The following ARL15 variants were observed in gnomAD, a reference collection of about 807,000 sequenced individuals.
The protein encoded by ARL15 is ADP-ribosylation factor-like protein 15.
In ARL15, 19 loss-of-function variants were observed where a neutral mutation model predicts 25.2. The ratio of observed to expected loss-of-function variants is 0.75; its 90% CI spans 0.53 to 1.10. The LOEUF is 1.10. ARL15 is among the 50% of genes least tolerant of loss of function. The pLI, the probability that ARL15 is intolerant of heterozygous loss-of-function variation, is 0.00. For missense variants in ARL15, 220 were observed against 246.0 expected, an observed-to-expected ratio of 0.89 and a Z score of 0.71; for synonymous variants, 94 against 86.8, an observed-to-expected ratio of 1.08 and a Z score of -0.46.
intron 3 of ARL15, among the ~76,000 whole-genome samples, chr5:54,150,007 G>T (rs1358612534): frequency 6.6e-6 from 1 of 152,142 alleles, no homozygotes; most frequent in African/African-American, 2.4e-5. Context: ...AACCCCTTCA[G>T]GTGTGAAAGG....
intron 4 of ARL15, among the ~76,000 whole-genome samples, chr5:54,065,039 C>T (rs2112044997): frequency 6.6e-6 from 1 of 152,168 alleles, no homozygotes; most frequent in East Asian, 1.9e-4. Context: ...CTAAGTCAAA[C>T]ATTAAACTGA....
At chr5:54,248,858 A>G (rs10461408) in intron 1 of ARL15, among the ~76,000 whole-genome samples, 66,060 of 152,004 alleles carry the variant, frequency 0.43, 17,039 homozygotes, top group Non-Finnish European at 0.58. Context: ...CAAGACAGAA[A>G]AAGAGAAAAA....
chr5:54,258,323 G>A (rs960140157), intron 1 of ARL15, among the ~76,000 whole-genome samples: 10 of 152,064 alleles, frequency 6.6e-5, no homozygotes, highest in Non-Finnish European at 1.5e-4. Context: ...GTGAGAACCT[G>A]TCTCAAAAAG....
Position 54,255,182 on chromosome 5 carries a change from A to C in ARL15, c.48+55250T>G, listed in dbSNP as rs1231705644. On this transcript the variant is annotated intron_variant, in intron 1 of 4. Transcript: ENST00000504924. ...GGACACACGTATAATTAGTTTAGAGAATGTTCCAAACTCTACTCCACGTCA... is the reference window on the plus strand; with the variant it reads ...GGACACACGTATAATTAGTTTAGAGCATGTTCCAAACTCTACTCCACGTCA... Among the ~76,000 whole-genome samples, 3 of 151,908 alleles carry C rather than the reference A, an allele frequency of 2.0e-5. 1 individual carries two copies. The South Asian group carries it at 6.2e-4, about 31-fold the overall frequency.
intron 4 of ARL15, among the ~76,000 whole-genome samples, chr5:53,996,766 G>C (rs1365459735): frequency 6.6e-6 from 1 of 152,072 alleles, no homozygotes; most frequent in Non-Finnish European, 1.5e-5. Flanking sequence ...GGTAGGAATG[G>C]TATTGTCTCT....
Position 54,032,337 on chromosome 5 carries a change from A to G in ARL15, c.462+80865T>C, listed in dbSNP as rs28504340. ...CAACCTCCGCCTCCTGGGTTCAAGC[A>G]ATTCTCCTACCTTAACCTCCCGAGT... On this transcript the variant is annotated intron_variant, in intron 4 of 4. Transcript: ENST00000504924. Among the ~76,000 whole-genome samples the G allele has an allele frequency of 8.5e-3, 1,290 of 151,848 alleles. 23 individuals are homozygous for G. The highest frequency in any genetic ancestry group is 0.03 in the African/African-American group (1,232 of 41,390).
chr5:54,290,451 G>A (rs1321363127), intron 1 of ARL15, among the ~76,000 whole-genome samples: 2 of 151,818 alleles, frequency 1.3e-5, no homozygotes, highest in Admixed American at 6.6e-5. Context: ...GGGATTACAG[G>A]TGAGTGCCAC....
At chr5:54,068,960 C>T (rs556163135) in intron 4 of ARL15, among the ~76,000 whole-genome samples, 17 of 152,218 alleles carry the variant, frequency 1.1e-4, no homozygotes, top group Admixed American at 1.3e-4. Flanking sequence ...GTACCTAATA[C>T]GATACACATG....
chr5:54,282,313 G>A (rs1482002936), intron 1 of ARL15: 2 of 985,262 alleles, frequency 2.0e-6, no homozygotes, highest in African/African-American at 3.5e-5. Context: ...AGATCTGGAT[G>A]CATTCAGACA....
At position 54,302,683 on chromosome 5, in the gene ARL15, ATT is replaced by A. The variant is rs372704359; in HGVS notation, c.48+7747_48+7748del. The stretch of plus-strand genomic sequence containing the variant: ...GCAAAGCACCTGTTCTAAAATTAAG[ATT>A]TTTTTTTTTTTTTTTTTTTTTTTTT... On this transcript the variant is annotated intron_variant, in intron 1 of 4. Coordinates refer to ENST00000504924, the MANE Select transcript of ARL15 (RefSeq NM_019087.3). Among the ~76,000 whole-genome samples, 443 of 77,826 alleles carry A rather than the reference ATT, an allele frequency of 5.7e-3. 5 individuals carry two copies. The highest frequency in any genetic ancestry group is 0.026 in the Middle Eastern group (2 of 78). 51.1% of individuals were successfully genotyped at this position (77,826 alleles called of 152,430 possible). A position where few individuals can be genotyped will look rare whatever the true frequency, so the allele number is the denominator to read the frequency against.
chr5:54,001,556 T>G (rs1386774923), intron 4 of ARL15, among the ~76,000 whole-genome samples: 1 of 152,212 alleles, frequency 6.6e-6, no homozygotes, highest in East Asian at 1.9e-4. Flanking sequence ...AAACAACATT[T>G]CATACTAATA....
intron 1 of ARL15, among the ~76,000 whole-genome samples, chr5:54,305,517 C>T (rs953385928): frequency 1.3e-5 from 2 of 152,092 alleles, no homozygotes; most frequent in Non-Finnish European, 2.9e-5. Context: ...TTCCCCTCAT[C>T]CATGGGGGAT....
At chr5:54,242,762 G>A (rs550379045) in intron 1 of ARL15, among the ~76,000 whole-genome samples, 16 of 152,248 alleles carry the variant, frequency 1.1e-4, no homozygotes, top group East Asian at 9.7e-4. Flanking sequence ...TCTGAATACA[G>A]AACTGCCTAA....
chr5:53,944,068 T>C (rs532284342), intron 4 of ARL15, among the ~76,000 whole-genome samples: 1 of 152,130 alleles, frequency 6.6e-6, no homozygotes, highest in African/African-American at 2.4e-5. Flanking sequence ...GGATAGAAAA[T>C]GAATTAAGAT....
At chr5:53,999,319 T>C (rs1036262562) in intron 4 of ARL15, among the ~76,000 whole-genome samples, 2 of 152,218 alleles carry the variant, frequency 1.3e-5, no homozygotes, top group African/African-American at 4.8e-5. Flanking sequence ...CCGGGCGTGG[T>C]GGCTCATGCC....
At chr5:54,041,232 T>C (rs1269013040) in intron 4 of ARL15, among the ~76,000 whole-genome samples, 1 of 152,214 alleles carries the variant, frequency 6.6e-6, no homozygotes, top group Non-Finnish European at 1.5e-5. Context: ...AAATCTCTTA[T>C]TGCTAAAACA....
At chr5:54,028,523 A>C (rs922786899) in intron 4 of ARL15, among the ~76,000 whole-genome samples, 1 of 151,878 alleles carries the variant, frequency 6.6e-6, no homozygotes, top group Non-Finnish European at 1.5e-5. Context: ...AAAAAAAAAA[A>C]AAACCACAAC....
intron 4 of ARL15, among the ~76,000 whole-genome samples, chr5:53,937,324 T>C (rs1241172755): frequency 2.0e-5 from 3 of 151,378 alleles, no homozygotes; most frequent in African/African-American, 4.9e-5. Context: ...CACAGCCTGA[T>C]GTGGAGTTTT....
At chr5:54,197,154 T>C (rs564877557) in intron 1 of ARL15, among the ~76,000 whole-genome samples, 10 of 152,220 alleles carry the variant, frequency 6.6e-5, no homozygotes, top group South Asian at 2.1e-4. Flanking sequence ...TTGAACAGAC[T>C]AGACTGAAGT....
Sources: allele counts gnomAD v4.1 joint callset (sites outside exome capture counted in the v4.1 genomes callset), GRCh38; gene constraint gnomAD v4.1.1; transcripts MANE v1.5; gene names NCBI Gene and HGNC (gene_info 2026-07-23, HGNC 2026-07-21).